The following CACNA1B variants were observed in gnomAD, a reference collection of about 807,000 sequenced individuals.
The protein encoded by CACNA1B is calcium voltage-gated channel subunit alpha1 B.
A neutral mutation model predicts 247.2 loss-of-function variants in CACNA1B; 70 were observed. That is an observed-to-expected ratio of 0.28 (90% CI 0.23 to 0.35). The LOEUF is 0.35. Among genes scored for constraint, CACNA1B ranks in the 10% least tolerant of loss-of-function variants. The pLI is 1.00. For missense variants in CACNA1B, 2,367 were observed against 3,197.4 expected, an observed-to-expected ratio of 0.74 and a Z score of 6.26; for synonymous variants, 1,231 against 1,294.4, an observed-to-expected ratio of 0.95 and a Z score of 1.05.
At chr9:137,905,679 C>T (rs1957291328) in intron 3 of CACNA1B, among the ~76,000 whole-genome samples, 1 of 152,176 alleles carries the variant, frequency 6.6e-6, no homozygotes, top group Admixed American at 6.6e-5. Flanking sequence ...AAATTCAAAT[C>T]ACAGGGCCAA....
intron 36 of CACNA1B, among the ~76,000 whole-genome samples, chr9:138,094,236 G>T (rs980914634): frequency 6.6e-6 from 1 of 152,088 alleles, no homozygotes; most frequent in Non-Finnish European, 1.5e-5. Context: ...CATCGAGACA[G>T]TAAGTAGAAT....
At chr9:137,932,629 C>T (rs1957620792) in intron 6 of CACNA1B, among the ~76,000 whole-genome samples, 1 of 152,096 alleles carries the variant, frequency 6.6e-6, no homozygotes, top group Non-Finnish European at 1.5e-5. Context: ...GCTTAGTGTC[C>T]AGTAACAATC....
At chr9:138,017,177 C>T (rs1272547339) in intron 18 of CACNA1B, 3 of 519,100 alleles carry the variant, frequency 5.8e-6, no homozygotes, top group South Asian at 4.2e-5. Context: ...TCTCGCAGCT[C>T]ATCTGTCTCC....
rs561679768 is a variant in CACNA1B, at chr9:137,976,844, A to G, written c.1656+825A>G. ...GAGGCAGTGTGTTTCCCAGCTTACC[A>G]TGACAGCTGAGCACAGAGGGCAGTG... On this transcript the variant is annotated intron_variant, in intron 12 of 46. Transcript: ENST00000371372. Among the ~76,000 whole-genome samples, 4 of 75,358 alleles carry G rather than the reference A, an allele frequency of 5.3e-5. No individual in the cohort carries two copies. In the East Asian group the frequency reaches 2.1e-3, roughly 40 times the overall value. 49.4% of individuals were successfully genotyped at this position (75,358 alleles called of 152,430 possible).
In CACNA1B at chr9:137,879,039, C is replaced by G; in HGVS notation, c.285-15C>G. On this transcript the variant is annotated splice_polypyrimidine_tract_variant and intron_variant, in intron 1 of 46. Transcript: ENST00000371372. ...CTCCGTGCGGCGTCTGCCGGCCAGT[C>G]CTTAACTCACGCACTCCATTCGAGT... is the stretch of plus-strand genomic sequence containing the variant. 1 of 1,580,030 alleles carries G rather than the reference C, an allele frequency of 6.3e-7. No homozygotes were observed.
chr9:138,063,211 T>C (rs1959795560), intron 31 of CACNA1B, among the ~76,000 whole-genome samples: 1 of 152,014 alleles, frequency 6.6e-6, no homozygotes, highest in Non-Finnish European at 1.5e-5. Context: ...GGGAACGTCT[T>C]GGGCAGGCAC....
intron 6 of CACNA1B, among the ~76,000 whole-genome samples, chr9:137,932,711 G>C (rs929307289): frequency 6.6e-6 from 1 of 152,152 alleles, no homozygotes; most frequent in African/African-American, 2.4e-5. Flanking sequence ...TTCTTCACAA[G>C]GGAAACCGTG....
At chr9:137,934,987 A>T (rs529696725) in intron 6 of CACNA1B, among the ~76,000 whole-genome samples, 218 of 152,356 alleles carry the variant, frequency 1.4e-3, no homozygotes, top group Non-Finnish European at 2.5e-3. Context: ...GAAATCCCGG[A>T]TTTACCTGAA....
At chr9:137,937,088 C>G (rs901756659) in intron 6 of CACNA1B, among the ~76,000 whole-genome samples, 1 of 152,136 alleles carries the variant, frequency 6.6e-6, no homozygotes, top group Admixed American at 6.5e-5. Context: ...GCCATTTTCA[C>G]AATATTGATT....
chr9:138,048,261 A>G (rs1959199783), intron 23 of CACNA1B, among the ~76,000 whole-genome samples: 4 of 152,208 alleles, frequency 2.6e-5, no homozygotes, highest in Admixed American at 2.6e-4. Context: ...CAGGAGTGAC[A>G]GAGCCAGGAT....
chr9:137,940,063 T>C (rs1957715477), intron 6 of CACNA1B, among the ~76,000 whole-genome samples: 1 of 151,432 alleles, frequency 6.6e-6, no homozygotes, highest in African/African-American at 2.4e-5. Flanking sequence ...AAGAAAGAGA[T>C]AACCAAGATC....
intron 15 of CACNA1B, among the ~76,000 whole-genome samples, chr9:137,987,986 C>A (rs1958386698): frequency 1.3e-5 from 2 of 152,238 alleles, no homozygotes; most frequent in African/African-American, 4.8e-5. Context: ...GAGTTGCTGC[C>A]TCTTCTCCTC....
At chr9:137,918,656 G>T (rs1207979408) in intron 6 of CACNA1B, among the ~76,000 whole-genome samples, 1 of 152,190 alleles carries the variant, frequency 6.6e-6, no homozygotes, top group East Asian at 1.9e-4. Context: ...GTGGCATGAT[G>T]GTGGACAGGT....
At chr9:138,026,974 G>A (rs1018848177) in intron 20 of CACNA1B, among the ~76,000 whole-genome samples, 12 of 152,184 alleles carry the variant, frequency 7.9e-5, no homozygotes, top group African/African-American at 2.7e-4. Flanking sequence ...CTAATTAAGC[G>A]TGTAATGATA....
Position 138,012,995 on chromosome 9 carries a change from T to C in CACNA1B, c.2161-134T>C. The C allele has an allele frequency of 1.6e-6, 1 of 630,166 alleles. No individual in the cohort carries two copies. Among genetic ancestry groups the C allele is most frequent in the Non-Finnish European group, 2.7e-6 (1 of 370,392 alleles). The allele number at this position is 630,166 out of a possible 1,614,324, so 39.0% of individuals were successfully genotyped here. On this transcript the variant is annotated intron_variant, in intron 17 of 46. Transcript: ENST00000371372. This position sits in a 1 kb window ranked among gnomAD's most constrained non-coding sequence, Gnocchi z 4.2. ...CACATTCACTCAGGGGTTGGCTGCC[T>C]GTCTCCACTGGATAGAGAGCAGCAC...
In CACNA1B at chr9:138,031,502, A is replaced by G. The variant is rs146269652; in HGVS notation, c.3286+6330A>G. On this transcript the variant is annotated intron_variant, in intron 20 of 46. Transcript: ENST00000371372. ...TTCTGTGTTGTTGATGTGCATTCCTATAAGCATTGTTTAGATCCTGTTGGT... is the reference window on the plus strand; with the variant it reads ...TTCTGTGTTGTTGATGTGCATTCCTGTAAGCATTGTTTAGATCCTGTTGGT... Among the ~76,000 whole-genome samples the G allele has an allele frequency of 3.5e-4, 53 of 152,300 alleles. No homozygotes were observed. The East Asian group carries it at 9.3e-3, about 27-fold the overall frequency.
intron 6 of CACNA1B, among the ~76,000 whole-genome samples, chr9:137,951,554 C>T (rs998399175): frequency 6.6e-6 from 1 of 152,194 alleles, no homozygotes; most frequent in African/African-American, 2.4e-5. Flanking sequence ...ACCAGACTTG[C>T]AGGGAGAAAG....
chr9:138,031,667 T>C (rs545825119), intron 20 of CACNA1B, among the ~76,000 whole-genome samples: 9 of 152,198 alleles, frequency 5.9e-5, no homozygotes, highest in Non-Finnish European at 1.2e-4. Flanking sequence ...TTTTGCGTCA[T>C]GTGTTTGCAG....
At chr9:138,060,561 G>A (rs867870037) in intron 31 of CACNA1B, among the ~76,000 whole-genome samples, 4 of 152,204 alleles carry the variant, frequency 2.6e-5, no homozygotes, top group African/African-American at 7.2e-5. Flanking sequence ...GAGCTGCAAC[G>A]TGTTTGCCTC....
Sources: allele counts gnomAD v4.1 joint callset (sites outside exome capture counted in the v4.1 genomes callset), GRCh38; gene constraint gnomAD v4.1.1; non-coding constraint Gnocchi (gnomAD v3.1); transcripts MANE v1.5; gene names NCBI Gene and HGNC (gene_info 2026-07-23, HGNC 2026-07-21).